Variants in XYLT1 observed in about 807,000 individuals in gnomAD.
The protein encoded by XYLT1 is beta-D-xylosyltransferase 1.
A neutral mutation model predicts 91.3 loss-of-function variants in XYLT1; 36 were observed. That is an observed-to-expected ratio of 0.39 (90% confidence interval 0.30 to 0.52). The LOEUF (loss-of-function observed/expected upper bound fraction) is 0.52, where lower values mean the gene tolerates loss of function less well. XYLT1 is among the 20% of genes least tolerant of loss of function. The pLI is 0.68. For synonymous variants in XYLT1, 588 were observed against 532.0 expected (o/e 1.11, Z -1.45); for missense variants, 1,242 against 1,284.5 (o/e 0.97, Z 0.51).
chr16:17,428,030 G>A (rs1011140338), intron 1 of XYLT1, among the ~76,000 whole-genome samples: 9 of 151,920 alleles, frequency 5.9e-5, no homozygotes, highest in African/African-American at 1.5e-4. Flanking sequence ...TCACTCTGTC[G>A]CCCAGGCTGA....
intron 1 of XYLT1, among the ~76,000 whole-genome samples, chr16:17,365,613 T>C (rs1197508411): frequency 6.6e-6 from 1 of 152,168 alleles, no homozygotes; most frequent in Non-Finnish European, 1.5e-5. Context: ...CGCGCTCTCT[T>C]TCTCTCTTTT....
chr16:17,336,693 G>T (rs927140885), intron 2 of XYLT1, among the ~76,000 whole-genome samples: 1 of 152,182 alleles, frequency 6.6e-6, no homozygotes, highest in South Asian at 2.1e-4. Flanking sequence ...AGTCCAGCCC[G>T]TCCGAATCCC....
At chr16:17,154,577 C>T (rs2141536059) in intron 6 of XYLT1, among the ~76,000 whole-genome samples, 1 of 152,298 alleles carries the variant, frequency 6.6e-6, no homozygotes, top group South Asian at 2.1e-4. Context: ...CGGCCACCTG[C>T]TTCTGCAAGC....
At chr16:17,257,438 G>T (rs984736541) in intron 3 of XYLT1, among the ~76,000 whole-genome samples, 1 of 152,156 alleles carries the variant, frequency 6.6e-6, no homozygotes, top group African/African-American at 2.4e-5. Context: ...GATGCTATCC[G>T]CCCTCTCCAC....
chr16:17,426,194 G>A (rs1032997116), intron 1 of XYLT1, among the ~76,000 whole-genome samples: 20 of 152,318 alleles, frequency 1.3e-4, no homozygotes, highest in South Asian at 4.1e-4. Context: ...TAGATACGGG[G>A]AGAAAAAGTT....
intron 3 of XYLT1, among the ~76,000 whole-genome samples, chr16:17,202,583 C>T (rs1341880007): frequency 2.6e-5 from 4 of 152,146 alleles, no homozygotes; most frequent in Admixed American, 6.5e-5. Context: ...CAGATCTCTG[C>T]GTGGCTGCAT....
chr16:17,327,568 T>G (rs1046028452), intron 2 of XYLT1, among the ~76,000 whole-genome samples: 5 of 138,836 alleles, frequency 3.6e-5, no homozygotes, highest in African/African-American at 1.4e-4. Context: ...TTCACCGTGT[T>G]AGCCAGGATG....
chr16:17,330,274 G>A (rs2034874296), intron 2 of XYLT1, among the ~76,000 whole-genome samples: 1 of 152,104 alleles, frequency 6.6e-6, no homozygotes, highest in Non-Finnish European at 1.5e-5. Context: ...AAACTGGGTT[G>A]GGCTCCCCAA....
At chr16:17,411,632 G>A (rs1319228453) in intron 1 of XYLT1, among the ~76,000 whole-genome samples, 1 of 152,192 alleles carries the variant, frequency 6.6e-6, no homozygotes, top group Non-Finnish European at 1.5e-5. Flanking sequence ...GGTTGCCTCT[G>A]AGTTTGGGGG....
Position 17,198,413 on chromosome 16 carries a change from C to A in XYLT1, c.1088G>T (p.Arg363Leu), listed in dbSNP as rs750025305. 6.2e-7 allele frequency: 1 copy of A among 1,613,824 alleles called. No individual in the cohort carries two copies. Residue 363 changes from arginine to leucine, a missense_variant and splice_region_variant, in exon 5 of 12, where the codon CGC (arginine) becomes CTC (leucine). Transcript: ENST00000261381. The part of the protein sequence containing the change: ...DHFYYIHVDK[R>L]SNYLHRQVLQ... ...CACTTGCCGATGCAGGTAATTAGAGCGCTTTTCCCAGGAGAGAAAGGGTGA... is the reference window on the plus strand; with the variant it reads ...CACTTGCCGATGCAGGTAATTAGAGAGCTTTTCCCAGGAGAGAAAGGGTGA...
In XYLT1 at chr16:17,401,581, T is replaced by C. The variant is rs927486337; in HGVS notation, c.364-43531A>G. ...TAACCTCTCTTTGTCTCTGTTCCTATATCTGTAAAATGGGAATAACATCAT... is the reference window on the plus strand; with the variant it reads ...TAACCTCTCTTTGTCTCTGTTCCTACATCTGTAAAATGGGAATAACATCAT... On this transcript the variant is annotated intron_variant, in intron 1 of 11. Coordinates refer to ENST00000261381, the MANE Select transcript of XYLT1 (RefSeq NM_022166.4). Among the ~76,000 whole-genome samples, 12 of 152,284 alleles carry C rather than the reference T, an allele frequency of 7.9e-5. No individual in the cohort carries two copies. The South Asian group carries it at 2.3e-3, about 29-fold the overall frequency.
intron 2 of XYLT1, among the ~76,000 whole-genome samples, chr16:17,268,493 A>G (rs1251934349): frequency 1.3e-5 from 2 of 152,106 alleles, no homozygotes; most frequent in Non-Finnish European, 2.9e-5. Flanking sequence ...TTTGAGAACT[A>G]CTGACATAAT....
chr16:17,320,787 GAA>G (rs2034707002), intron 2 of XYLT1, among the ~76,000 whole-genome samples: 1 of 123,396 alleles, frequency 8.1e-6, no homozygotes, highest in Admixed American at 7.6e-5. Context: ...GCCGACCTTG[GAA>G]AAGTTTCTTA....
At chr16:17,235,005 C>T (rs1870257) in intron 3 of XYLT1, among the ~76,000 whole-genome samples, 99,150 of 151,802 alleles carry the variant, frequency 0.65, 33,000 homozygotes, top group African/African-American at 0.75. Context: ...TTGGTGTCAT[C>T]TGTCTCCTGG....
intron 2 of XYLT1, among the ~76,000 whole-genome samples, chr16:17,275,396 C>A (rs893034924): frequency 6.6e-6 from 1 of 152,148 alleles, no homozygotes. Context: ...AAAGTCCCCC[C>A]CAGGAGGAAA....
At chr16:17,184,774 T>A (rs1208506177) in intron 5 of XYLT1, among the ~76,000 whole-genome samples, 1 of 152,200 alleles carries the variant, frequency 6.6e-6, no homozygotes, top group African/African-American at 2.4e-5. Context: ...AATGGCCAAG[T>A]GCTCTATTCT....
chr16:17,337,060 G>A (rs2034991312), intron 2 of XYLT1, among the ~76,000 whole-genome samples: 1 of 152,152 alleles, frequency 6.6e-6, no homozygotes, highest in Non-Finnish European at 1.5e-5. Context: ...CCCCAGAAAG[G>A]CATATAAATC....
intron 3 of XYLT1, 102 bp from the exon 4 acceptor site, chr16:17,200,756 G>C (rs1220581760): frequency 1.5e-6 from 2 of 1,303,482 alleles, no homozygotes; most frequent in African/African-American, 2.9e-5. Flanking sequence ...CTATTTTAGG[G>C]GCACAGTCAT....
At chr16:17,453,993 G>A (rs1389901314) in intron 1 of XYLT1, among the ~76,000 whole-genome samples, 4 of 152,140 alleles carry the variant, frequency 2.6e-5, no homozygotes, top group African/African-American at 7.2e-5. Context: ...CTGTTTCTAC[G>A]GACTCTGAAT....
Sources: gnomAD v4.1 joint callset for allele counts (sites outside exome capture counted in the v4.1 genomes callset) on GRCh38, gnomAD v4.1.1 for gene constraint, MANE v1.5 for transcripts, NCBI Gene and HGNC (gene_info 2026-07-23, HGNC 2026-07-21) for gene names.